The following SGCD variants were observed in gnomAD, a reference collection of about 807,000 sequenced individuals.
SGCD encodes sarcoglycan delta, also known as delta-sarcoglycan.
In SGCD, 18 loss-of-function variants were observed where a neutral mutation model predicts 36.6. The ratio of observed to expected loss-of-function variants is 0.49; its 90% CI spans 0.34 to 0.73. The LOEUF is 0.73. Ranked by LOEUF, SGCD falls within the 30% of genes least tolerant of loss-of-function variation. SGCD has a pLI of 0.01. For missense variants in SGCD, 387 were observed against 346.7 expected (o/e 1.12, Z -0.92); for synonymous variants, 133 against 130.6 (o/e 1.02, Z -0.12).
At chr5:155,875,916 A>G (rs1284014809) in intron 1 of SGCD, among the ~76,000 whole-genome samples, 1 of 152,070 alleles carries the variant, frequency 6.6e-6, no homozygotes, top group Non-Finnish European at 1.5e-5. Context: ...AGGACTGATG[A>G]GCAAATAAAA....
intron 1 of SGCD, among the ~76,000 whole-genome samples, chr5:155,926,109 T>C (rs1217512106): frequency 6.6e-6 from 1 of 152,110 alleles, no homozygotes; most frequent in Non-Finnish European, 1.5e-5. Flanking sequence ...GGGCTGTGGC[T>C]TACACTAATT....
intron 3 of SGCD, among the ~76,000 whole-genome samples, chr5:156,384,920 C>T (rs1166593961): frequency 6.6e-6 from 1 of 152,084 alleles, no homozygotes; most frequent in African/African-American, 2.4e-5. Flanking sequence ...TCTCATATGA[C>T]CTAGGAGGAG....
the SGCD span, among the ~76,000 whole-genome samples, chr5:155,782,798 T>C: frequency 2.6e-5 from 4 of 152,168 alleles, no homozygotes; most frequent in Non-Finnish European, 5.9e-5. Flanking sequence ...GGTTGTGTGC[T>C]CCTTATGAGA....
intron 2 of SGCD, among the ~76,000 whole-genome samples, chr5:156,333,560 T>A (rs1022456128): frequency 1.3e-5 from 2 of 152,052 alleles, no homozygotes; most frequent in African/African-American, 4.8e-5. Context: ...AGCCAAACAC[T>A]CTGGATTCAA....
chr5:155,969,893 A>C (rs550023487), intron 1 of SGCD, among the ~76,000 whole-genome samples: 161 of 152,220 alleles, frequency 1.1e-3, no homozygotes, highest in African/African-American at 3.7e-3. Flanking sequence ...TCGACAAAAG[A>C]GGAAGCAGAA....
At chr5:155,900,943 A>G (rs990316260) in intron 1 of SGCD, among the ~76,000 whole-genome samples, 2 of 152,114 alleles carry the variant, frequency 1.3e-5, no homozygotes, top group African/African-American at 4.8e-5. Context: ...ATCATTAAGG[A>G]AGTATTTAAA....
intron 4 of SGCD, among the ~76,000 whole-genome samples, chr5:156,552,166 A>G (rs1758825625): frequency 6.6e-6 from 1 of 152,186 alleles, no homozygotes. Flanking sequence ...CATGCCACAG[A>G]CACACAGCAC....
rs531865486 is a variant in SGCD, at chr5:156,249,574, G to A, written c.-43-79960G>A. On this transcript the variant is annotated intron_variant, in intron 3 of 9. Coordinates refer to the SGCD transcript ENST00000517913. ...TAGAAGGCAGAAATCTTTGGACTTG[G>A]TATTAGAAGACTTTACTTCAAGTCT... Among the ~76,000 whole-genome samples, 6 of 152,250 alleles carry A rather than the reference G, an allele frequency of 3.9e-5. No individual in the cohort carries two copies. In the South Asian group the frequency reaches 1.2e-3, roughly 32 times the overall value.
At chr5:155,855,440 C>T in the SGCD span, among the ~76,000 whole-genome samples, 8 of 152,198 alleles carry the variant, frequency 5.3e-5, no homozygotes, top group Non-Finnish European at 8.8e-5. Flanking sequence ...TTTCCTGAAT[C>T]GCTTCCCAAA....
chr5:156,464,401 T>C (rs1161810891), intron 3 of SGCD, among the ~76,000 whole-genome samples: 3 of 151,906 alleles, frequency 2.0e-5, no homozygotes, highest in African/African-American at 7.3e-5. Context: ...TTTGTATATT[T>C]AATAGAGACA....
chr5:156,364,118 A>G (rs988972057), intron 3 of SGCD, among the ~76,000 whole-genome samples: 2 of 152,216 alleles, frequency 1.3e-5, no homozygotes, highest in Non-Finnish European at 2.9e-5. Context: ...ATGCTGAGAA[A>G]GCAGTCACAG....
chr5:156,684,562 G>A (rs1167981660), intron 7 of SGCD, among the ~76,000 whole-genome samples: 1 of 152,162 alleles, frequency 6.6e-6, no homozygotes, highest in Non-Finnish European at 1.5e-5. Context: ...TCTCAGTTTA[G>A]ATATCATCTC....
At chr5:155,754,629 T>C in the SGCD span, among the ~76,000 whole-genome samples, 1 of 152,230 alleles carries the variant, frequency 6.6e-6, no homozygotes, top group Non-Finnish European at 1.5e-5. Context: ...ATGGCGTCAG[T>C]TATAAGGTGG....
intron 3 of SGCD, among the ~76,000 whole-genome samples, chr5:156,448,018 G>T (rs934945010): frequency 6.6e-6 from 1 of 152,160 alleles, no homozygotes; most frequent in Non-Finnish European, 1.5e-5. Context: ...AAACCTGGGA[G>T]ACAGAATTCA....
chr5:156,196,060 C>T lies in SGCD; in HGVS notation c.-44+72041C>T, dbSNP rs114145307. Among the ~76,000 whole-genome samples, 1,082 of 152,206 alleles carry T rather than the reference C, an allele frequency of 7.1e-3. 9 individuals carry two copies. Among genetic ancestry groups the T allele is most frequent in the Non-Finnish European group, 0.012 (812 of 68,012 alleles). ...TTTTCTAAAGTCTAGATCCCAGATC[C>T]CTTGGGGCTTCCTTGGAGATTCTTA... On this transcript the variant is annotated intron_variant, in intron 3 of 9. Transcript: ENST00000517913.
At chr5:156,692,486 A>T (rs281057) in intron 7 of SGCD, among the ~76,000 whole-genome samples, 139,452 of 152,234 alleles carry the variant, frequency 0.92, 64,043 homozygotes, top group East Asian at 0.99. Context: ...TTAACCTTTT[A>T]TTATAGAAAA....
At chr5:156,209,143 A>G (rs1764369631) in intron 3 of SGCD, among the ~76,000 whole-genome samples, 1 of 152,102 alleles carries the variant, frequency 6.6e-6, no homozygotes, top group South Asian at 2.1e-4. Context: ...CCCATGAGCA[A>G]AGCCTGCAAC....
At chr5:156,270,573 C>T (rs1192558332) in intron 3 of SGCD, among the ~76,000 whole-genome samples, 1 of 152,072 alleles carries the variant, frequency 6.6e-6, no homozygotes, top group Non-Finnish European at 1.5e-5. Context: ...GTGATATTAC[C>T]ATGGTCGTTT....
chr5:155,748,352 A>G, the SGCD span, among the ~76,000 whole-genome samples: 2 of 151,996 alleles, frequency 1.3e-5, no homozygotes, highest in Admixed American at 1.3e-4. Flanking sequence ...ATTTATATAG[A>G]TAATTTATAT....
Sources: allele counts gnomAD v4.1 joint callset (sites outside exome capture counted in the v4.1 genomes callset), GRCh38; gene constraint gnomAD v4.1.1; transcripts MANE v1.5; gene names NCBI Gene and HGNC (gene_info 2026-07-23, HGNC 2026-07-21).